The following MIDEAS variants were observed in gnomAD, a reference collection of about 807,000 sequenced individuals.
The protein encoded by MIDEAS is mitotic deacetylase-associated SANT domain protein.
Under a neutral mutation model 102.7 loss-of-function variants are expected in MIDEAS, and 26 were observed. That is an observed-to-expected ratio of 0.25 (90% CI 0.19 to 0.35). The LOEUF (loss-of-function observed/expected upper bound fraction) is 0.35. Among genes scored for constraint, MIDEAS ranks in the 10% least tolerant of loss-of-function variants. MIDEAS has a pLI of 1.00. For missense variants in MIDEAS, 1,231 were observed against 1,435.6 expected (o/e 0.86, Z 2.30); for synonymous variants, 585 against 591.0 (o/e 0.99, Z 0.15).
At chr14:73,719,970 A>G (rs2052963042) in intron 11 of MIDEAS, among the ~76,000 whole-genome samples, 1 of 151,944 alleles carries the variant, frequency 6.6e-6, no homozygotes, top group Non-Finnish European at 1.5e-5. Context: ...ACTTCAGGAC[A>G]GCGCACTGCA....
At chr14:73,763,971 A>G (rs1321072630), upstream of MIDEAS, among the ~76,000 whole-genome samples, 1 of 152,218 alleles carries the variant, frequency 6.6e-6, no homozygotes, top group East Asian at 1.9e-4. Flanking sequence ...CTATGTACAT[A>G]TAAGAGGCTA....
At chr14:73,762,651 G>A (rs140398673), upstream of MIDEAS, among the ~76,000 whole-genome samples, 2 of 152,304 alleles carry the variant, frequency 1.3e-5, no homozygotes, top group East Asian at 3.9e-4. Flanking sequence ...TGACGGTGCA[G>A]AATCACTGAC....
intron 1 of MIDEAS, among the ~76,000 whole-genome samples, chr14:73,782,929 A>G (rs990472154): frequency 1.3e-5 from 2 of 152,226 alleles, no homozygotes; most frequent in African/African-American, 4.8e-5. Flanking sequence ...AATTGAGACC[A>G]GGAACCACGG....
At chr14:73,723,270 G>A (rs79035968) in intron 9 of MIDEAS, 8,482 of 159,174 alleles carry the variant, frequency 0.053, 542 homozygotes, top group African/African-American at 0.15. Flanking sequence ...TCAGCTTCCT[G>A]AGTAGCTGGG....
At chr14:73,721,266 C>G (rs749634230) in intron 11 of MIDEAS, 31 bp downstream of exon 11, 1 of 1,605,690 alleles carries the variant, frequency 6.2e-7, no homozygotes, top group Admixed American at 1.7e-5. Context: ...CCCTGCTTGC[C>G]CTGGGCTCAG....
chr14:73,774,233 C>CCCTGTAGTCTAATCCCCTCATTTCAGTA (rs1434464388), intron 1 of MIDEAS, among the ~76,000 whole-genome samples: 1 of 151,618 alleles, frequency 6.6e-6, no homozygotes, highest in Admixed American at 6.6e-5. Context: ...GGAAAGGTAC[C>CCCTGTAGTCTAATCCCCTCATTTCAGTA]CCTGTAGTCT....
At position 73,739,256 on chromosome 14, in the gene MIDEAS, C is replaced by T; in HGVS notation, c.753G>A (p.Gln251=). The T allele has an allele frequency of 1.2e-6, 2 of 1,609,602 alleles. No individual in the cohort carries two copies. Among genetic ancestry groups the T allele is most frequent in the South Asian group, 1.1e-5 (1 of 90,986 alleles). Reference sequence around the variant, plus strand: ...GCTGCTGCTGCTGCTGTGGTTGCTGCTGCTGCTGCTGCTTCTGTGGAGGGA... The same window carrying T: ...GCTGCTGCTGCTGCTGTGGTTGCTGTTGCTGCTGCTGCTTCTGTGGAGGGA... ...AAFPPQKQQQ[Q]QQPQQQQQQQ... The change falls in exon 2 of 13, where the codon CAG becomes CAA. Residue 251 remains glutamine (Q), a synonymous_variant. Transcript: ENST00000423556.
intron 1 of MIDEAS, among the ~76,000 whole-genome samples, chr14:73,754,596 G>A (rs1275262737): frequency 1.3e-5 from 2 of 152,136 alleles, no homozygotes; most frequent in African/African-American, 2.4e-5. Flanking sequence ...ACCACCTCTC[G>A]GCTTCCCCAT....
chr14:73,736,954 A>C (rs772780987), intron 3 of MIDEAS, 44 bp downstream of exon 3: 1 of 1,577,432 alleles, frequency 6.3e-7, no homozygotes, highest in Non-Finnish European at 8.7e-7. Flanking sequence ...GGGCCCCCTG[A>C]GCACTCACGC....
upstream of MIDEAS, among the ~76,000 whole-genome samples, chr14:73,761,316 C>T (rs2053552788): frequency 1.3e-5 from 2 of 152,172 alleles, no homozygotes. Flanking sequence ...GCCTACAGGG[C>T]CAGGGTGGGG....
At chr14:73,764,339 C>CAAAAA (rs5809629), upstream of MIDEAS, among the ~76,000 whole-genome samples, 132 of 87,634 alleles carry the variant, frequency 1.5e-3, no homozygotes, top group Admixed American at 1.8e-3. Context: ...GACCCTGTCT[C>CAAAAA]AAAAAAAAAA....
intron 1 of MIDEAS, among the ~76,000 whole-genome samples, chr14:73,749,955 A>G (rs2053400983): frequency 6.6e-6 from 1 of 152,276 alleles, no homozygotes; most frequent in East Asian, 1.9e-4. Context: ...TCCCGACATC[A>G]AAACAACTAG....
intron 11 of MIDEAS, 69 bp downstream of exon 11, chr14:73,721,228 C>T: frequency 6.9e-7 from 1 of 1,446,354 alleles, no homozygotes; most frequent in Non-Finnish European, 9.6e-7. Context: ...GCTCTACCCT[C>T]CCTCCCACGC....
At chr14:73,754,108 T>G (rs1418007085) in intron 1 of MIDEAS, among the ~76,000 whole-genome samples, 1 of 152,174 alleles carries the variant, frequency 6.6e-6, no homozygotes, top group Non-Finnish European at 1.5e-5. Context: ...CAAGTGGAAG[T>G]GCCCGCCTGG....
chr14:73,761,931 G>A (rs1188968683), upstream of MIDEAS, among the ~76,000 whole-genome samples: 1 of 152,198 alleles, frequency 6.6e-6, no homozygotes, highest in African/African-American at 2.4e-5. Flanking sequence ...GCAGTGCTCA[G>A]GCCTGCAGAC....
At chr14:73,771,605 A>G (rs1238027932) in intron 1 of MIDEAS, among the ~76,000 whole-genome samples, 1 of 152,212 alleles carries the variant, frequency 6.6e-6, no homozygotes, top group East Asian at 1.9e-4. Flanking sequence ...AGATTCTGAG[A>G]TGCCACAGAG....
At position 73,729,429 on chromosome 14, in the gene MIDEAS, A is replaced by C. The variant is rs140272591; in HGVS notation, c.2095+211T>G. 2.0e-5 allele frequency among the ~76,000 whole-genome samples: 3 copies of C among 152,332 alleles called. No homozygotes were observed. In the East Asian group the frequency reaches 5.8e-4, roughly 29 times the overall value. On this transcript the variant is annotated intron_variant, in intron 4 of 12. Coordinates refer to ENST00000423556, the MANE Select transcript of MIDEAS (RefSeq NM_001367710.1). ...AAGTGGATGTAATAGTAAATGGTAG[A>C]ATTGAGATTTGAATCCAAGCAGCTG...
intron 1 of MIDEAS, among the ~76,000 whole-genome samples, chr14:73,780,570 T>G (rs2053746098): frequency 6.6e-6 from 1 of 152,232 alleles, no homozygotes; most frequent in Non-Finnish European, 1.5e-5. Context: ...CATGTGGCAC[T>G]CTGCTTTCCA....
Position 73,722,686 on chromosome 14 carries a change from A to G in MIDEAS, c.2724+12T>C, listed in dbSNP as rs1177608419. 6.2e-7 allele frequency: 1 copy of G among 1,612,874 alleles called. No individual in the cohort carries two copies. The highest frequency in any genetic ancestry group is 8.5e-7 in the Non-Finnish European group (1 of 1,179,150). ...CCAGGCTCTATGCAGCTGAGGTTGG[A>G]AAAGGAGTCACCTTAATATCCACTT... On this transcript the variant is annotated intron_variant, in intron 10 of 12. Transcript: ENST00000423556.
Sources: gnomAD v4.1 joint callset for allele counts (sites outside exome capture counted in the v4.1 genomes callset) on GRCh38, gnomAD v4.1.1 for gene constraint, MANE v1.5 for transcripts, NCBI Gene and HGNC (gene_info 2026-07-23, HGNC 2026-07-21) for gene names.